ADRA1B: variants seen among roughly 807,000 people sequenced by gnomAD.
ADRA1B encodes alpha-1B adrenergic receptor.
A neutral mutation model predicts 17.9 loss-of-function variants in ADRA1B; 17 were observed. The observed-to-expected ratio is 0.95, with a 90% CI of 0.65 to 1.42. The LOEUF (loss-of-function observed/expected upper bound fraction) is 1.42. Ranked by LOEUF, ADRA1B falls within the 40% of genes most tolerant of loss-of-function variation. The pLI is 0.00. For synonymous variants in ADRA1B, 366 were observed against 327.6 expected, an observed-to-expected ratio of 1.12 and a Z score of -1.27; for missense variants, 681 against 722.1, an observed-to-expected ratio of 0.94 and a Z score of 0.65.
chr5:159,890,055 G>C (rs961356520), intron 1 of ADRA1B, among the ~76,000 whole-genome samples: 1 of 152,194 alleles, frequency 6.6e-6, no homozygotes, highest in Non-Finnish European at 1.5e-5. Context: ...AGAGGTGTAA[G>C]AGCATGCAAT....
intron 1 of ADRA1B, among the ~76,000 whole-genome samples, chr5:159,904,750 C>T (rs997117088): frequency 1.3e-5 from 2 of 152,218 alleles, no homozygotes; most frequent in Non-Finnish European, 2.9e-5. Flanking sequence ...TGTTTAACTG[C>T]CACACCATTA....
At position 159,902,494 on chromosome 5, in the gene ADRA1B, TA is replaced by T. The variant is rs75941436; in HGVS notation, c.-255-13613del. 5.5e-3 allele frequency among the ~76,000 whole-genome samples: 791 copies of T among 143,742 alleles called. 2 individuals carry two copies. The highest frequency in any genetic ancestry group is 0.013 in the African/African-American group (509 of 39,384). 94.3% of individuals were successfully genotyped at this position (143,742 alleles called of 152,430 possible). ...TGTTATGTATTTTTTAACCACCATT[TA>T]AAAAAAAAAAAGGAATGTTTGAAAT... On this transcript the variant is annotated intron_variant, in intron 1 of 2. Coordinates refer to the ADRA1B transcript ENST00000641205.
At chr5:159,911,790 C>G (rs1002652164), upstream of ADRA1B, among the ~76,000 whole-genome samples, 6 of 152,186 alleles carry the variant, frequency 3.9e-5, no homozygotes, top group South Asian at 2.1e-4. Flanking sequence ...CATCCTCCCA[C>G]CAGGGTACAG....
At chr5:159,973,236 G>T (rs1755921104), downstream of ADRA1B, among the ~76,000 whole-genome samples, 1 of 152,218 alleles carries the variant, frequency 6.6e-6, no homozygotes, top group Non-Finnish European at 1.5e-5. Context: ...CTACAGGGCT[G>T]CACCAGTCTG....
the ADRA1B span, among the ~76,000 whole-genome samples, chr5:159,983,180 G>A: frequency 6.6e-6 from 1 of 152,178 alleles, no homozygotes. Context: ...AAAGGCAGAG[G>A]CTGGTGGCTT....
intron 1 of ADRA1B, among the ~76,000 whole-genome samples, chr5:159,873,228 A>T (rs1262186986): frequency 6.6e-6 from 1 of 152,178 alleles, no homozygotes; most frequent in Non-Finnish European, 1.5e-5. Context: ...TAGTGCTGCA[A>T]TAAACATAAG....
At chr5:159,984,693 T>C in the ADRA1B span, among the ~76,000 whole-genome samples, 1 of 150,974 alleles carries the variant, frequency 6.6e-6, no homozygotes, top group Non-Finnish European at 1.5e-5. Context: ...AGGTCAGGAG[T>C]TTGAGGCCAA....
Position 159,939,318 on chromosome 5 carries a change from TGTGTGC to T in ADRA1B, c.949+21466_949+21471del, listed in dbSNP as rs1303979435. On this transcript the variant is annotated intron_variant, in intron 1 of 1. Transcript: ENST00000306675. ...GTGTGTGTGTGTGTGTGTGTGTGTG[TGTGTGC>T]GCGCGCGCGCGCACACAATGCACTG... is the stretch of plus-strand genomic sequence containing the variant. 1.1e-4 allele frequency among the ~76,000 whole-genome samples: 11 copies of T among 98,244 alleles called. No homozygotes were observed. The South Asian group carries it at 3.1e-3, about 28-fold the overall frequency. The allele number at this position is 98,244 out of a possible 152,430, so 64.5% of individuals were successfully genotyped here. A position where few individuals can be genotyped will look rare whatever the true frequency, so the allele number is the denominator to read the frequency against.
the ADRA1B span, among the ~76,000 whole-genome samples, chr5:159,981,671 A>G: frequency 6.6e-6 from 1 of 150,758 alleles, no homozygotes; most frequent in South Asian, 2.1e-4. Flanking sequence ...TATTTTTTCT[A>G]TTTTTTAGTA....
the ADRA1B span, among the ~76,000 whole-genome samples, chr5:159,979,665 C>A: frequency 6.6e-6 from 1 of 151,998 alleles, no homozygotes; most frequent in Admixed American, 6.6e-5. Context: ...GTCAGGAGTT[C>A]GAGACCAGAC....
chr5:159,972,420 G>T lies in ADRA1B; in HGVS notation c.1491G>T (p.Glu497Asp). Residue 497 changes from glutamate (E) to aspartate (D), a missense_variant, in exon 2 of 2, where the codon GAG becomes GAT. Glu to Asp is a conservative substitution (Grantham distance 45, BLOSUM62 2). Coordinates refer to ENST00000306675, the MANE Select transcript of ADRA1B (RefSeq NM_000679.4). ...GCGGCGCCAGCAACGGAGGCTGCGA[G>T]GCCGCGGCCGACGTGGCCAACGGGC... ...TDGGASNGGC[E>D]AAADVANGQP... The T allele has an allele frequency of 6.6e-7, 1 of 1,508,234 alleles. No individual in the cohort carries two copies. Among genetic ancestry groups the T allele is most frequent in the Non-Finnish European group, 8.8e-7 (1 of 1,134,494 alleles). 93.4% of individuals were successfully genotyped at this position (1,508,234 alleles called of 1,614,324 possible).
At chr5:159,975,832 T>C (rs937785722), downstream of ADRA1B, among the ~76,000 whole-genome samples, 17 of 152,350 alleles carry the variant, frequency 1.1e-4, no homozygotes, top group Middle Eastern at 3.4e-3. Flanking sequence ...CTCTCTGTTC[T>C]GATCTCCCAA....
At chr5:159,928,311 G>A (rs1436950556) in intron 1 of ADRA1B, among the ~76,000 whole-genome samples, 3 of 152,130 alleles carry the variant, frequency 2.0e-5, no homozygotes, top group African/African-American at 7.2e-5. Context: ...AGTCAGCTCA[G>A]GATACAGTAG....
At chr5:159,899,263 A>AAAGGAAGGAAGGAAGGAAGAAAGG (rs1754070660) in intron 1 of ADRA1B, among the ~76,000 whole-genome samples, 25 of 106,516 alleles carry the variant, frequency 2.3e-4, no homozygotes, top group Non-Finnish European at 3.3e-4. Flanking sequence ...AGGAAGGAAG[A>AAAGGAAGGAAGGAAGGAAGAAAGG]AAGGAAGGAA....
intron 1 of ADRA1B, among the ~76,000 whole-genome samples, chr5:159,931,009 TTATTATATATATTTAATAATATATA>T (rs1554090358): frequency 1.4e-5 from 2 of 147,364 alleles, no homozygotes; most frequent in South Asian, 2.1e-4. Context: ...TTTATAATAT[TTATTATATATATTTAATAATATATA>T]TATTATATAT....
rs112132838 is a variant in ADRA1B at position 159,943,912 on chromosome 5, T to A, written c.949+26058T>A. Among the ~76,000 whole-genome samples, 720 of 147,572 alleles carry A rather than the reference T, an allele frequency of 4.9e-3. 7 individuals carry two copies. The highest frequency in any genetic ancestry group is 0.016 in the African/African-American group (620 of 39,890). On this transcript the variant is annotated intron_variant, in intron 1 of 1. Coordinates refer to ENST00000306675, the MANE Select transcript of ADRA1B (RefSeq NM_000679.4). ...CATTCTCTCTCTCTCTCTGTCTCTC[T>A]CACACACACACACACACACACACAC... is the stretch of plus-strand genomic sequence containing the variant.
At position 159,916,698 on chromosome 5, in the gene ADRA1B, T is replaced by C; in HGVS notation, c.-208T>C. The C allele has an allele frequency of 1.9e-6, 1 of 525,268 alleles. No individual in the cohort carries two copies. Among genetic ancestry groups the C allele is most frequent in the Non-Finnish European group, 3.4e-6 (1 of 295,940 alleles). 32.5% of individuals were successfully genotyped at this position (525,268 alleles called of 1,614,324 possible). On this transcript the variant is annotated 5_prime_UTR_variant, in exon 1 of 2. Coordinates refer to ENST00000306675, the MANE Select transcript of ADRA1B (RefSeq NM_000679.4). ...GCCGCCTCGTCCCCTCTCCTCCTCCTCCTCCCTCTGACAGGCGAGCGAGCG... is the reference window on the plus strand; with the variant it reads ...GCCGCCTCGTCCCCTCTCCTCCTCCCCCTCCCTCTGACAGGCGAGCGAGCG...
rs1267090803 is a variant in ADRA1B at position 159,917,427 on chromosome 5, C to T, written c.522C>T (p.Thr174=). ...TGCTCAGTGTCTGGGTCTTGTCCAC[C>T]GTCATCTCCATCGGGCCTCTCCTTG... ...LALLSVWVLS[T]VISIGPLLGW... Residue 174 remains threonine, a synonymous_variant, in exon 1 of 2, where the codon ACC becomes ACT. Coordinates refer to ENST00000306675, the MANE Select transcript of ADRA1B (RefSeq NM_000679.4). 6 of 1,614,034 alleles carry T rather than the reference C, an allele frequency of 3.7e-6. No homozygotes were observed. Among genetic ancestry groups the T allele is most frequent in the Non-Finnish European group, 4.2e-6 (5 of 1,180,046 alleles).
intron 1 of ADRA1B, among the ~76,000 whole-genome samples, chr5:159,953,615 C>T (rs1418120852): frequency 6.6e-6 from 1 of 152,146 alleles, no homozygotes; most frequent in Non-Finnish European, 1.5e-5. Context: ...TAATCTTGAG[C>T]AAATTCCTTA....
Sources: gnomAD v4.1 joint callset for allele counts (sites outside exome capture counted in the v4.1 genomes callset) on GRCh38, gnomAD v4.1.1 for gene constraint, MANE v1.5 for transcripts, NCBI Gene and HGNC (gene_info 2026-07-23, HGNC 2026-07-21) for gene names.